ELN: variants seen among roughly 807,000 people sequenced by gnomAD.
ELN encodes the protein tropoelastin.
In ELN, 65 loss-of-function variants were observed where a neutral mutation model predicts 105.8. That is an observed-to-expected ratio of 0.61 (90% confidence interval 0.50 to 0.75). The LOEUF (loss-of-function observed/expected upper bound fraction) is 0.75. Among genes scored for constraint, ELN ranks in the 30% least tolerant of loss-of-function variants. The pLI, the probability that ELN is intolerant of heterozygous loss-of-function variation, is 0.00. For missense variants in ELN, 882 were observed against 969.4 expected, an observed-to-expected ratio of 0.91 and a Z score of 1.20; for synonymous variants, 368 against 389.2, an observed-to-expected ratio of 0.95 and a Z score of 0.64.
intron 9 of ELN, 151 bp from the exon 10 acceptor site, chr7:74,045,071 A>C (rs1436656829): frequency 1.3e-6 from 1 of 792,076 alleles, no homozygotes; most frequent in East Asian, 2.6e-5. Context: ...TCAGCACTAA[A>C]CAGGTCCTTT....
intron 1 of ELN, among the ~76,000 whole-genome samples, chr7:74,031,280 T>G (rs1195290047): frequency 6.6e-6 from 1 of 151,996 alleles, no homozygotes; most frequent in African/African-American, 2.4e-5. Flanking sequence ...CTGAAGTACC[T>G]CCTAGGGCCA....
chr7:74,036,645 T>G, intron 3 of ELN, 61 bp downstream of exon 3: 1 of 1,612,350 alleles, frequency 6.2e-7, no homozygotes, highest in Middle Eastern at 1.7e-4. Context: ...CCGAGCCACA[T>G]GCATCCTCAG....
At chr7:74,062,528 G>A (rs1300433378) in intron 26 of ELN, among the ~76,000 whole-genome samples, 1 of 152,114 alleles carries the variant, frequency 6.6e-6, no homozygotes, top group African/African-American at 2.4e-5. Context: ...AGTGCCTGCT[G>A]TAGATACTAT....
rs1798553819 is a variant in ELN, at chr7:74,068,860, CAA to C, written c.*161_*162del. 2.9e-5 allele frequency: 25 copies of C among 872,178 alleles called. No homozygotes were observed. Among genetic ancestry groups the C allele is most frequent in the Non-Finnish European group, 4.3e-5 (23 of 538,020 alleles). 54.0% of individuals were successfully genotyped at this position (872,178 alleles called of 1,614,324 possible). On this transcript the variant is annotated 3_prime_UTR_variant, in exon 33 of 33. Transcript: ENST00000252034. ...CTTGCAGATCCACAGGGCAAGGAAA[CAA>C]GAGGGGAGCGGCCAAGTGCCCCGAC...
Position 74,048,141 on chromosome 7 carries a change from G to C in ELN, c.686-1G>C. 4 of 1,614,072 alleles carry C rather than the reference G, an allele frequency of 2.5e-6. No individual in the cohort carries two copies. The highest frequency in any genetic ancestry group is 3.4e-6 in the Non-Finnish European group (4 of 1,179,968). ...GACCATCAAGCCTCTCTGTTTTGCA[G>C]GCTATGGGCCCGGAGGAGTGGCTGG... On this transcript the variant is annotated splice_acceptor_variant, in intron 13 of 32. Coordinates refer to ENST00000252034, the MANE Select transcript of ELN (RefSeq NM_000501.4). LOFTEE classifies it high-confidence loss of function.
Position 74,063,915 on chromosome 7 carries a change from T to C in ELN, c.1993+220T>C, listed in dbSNP as rs1181979407. Among the ~76,000 whole-genome samples, 3 of 150,772 alleles carry C rather than the reference T, an allele frequency of 2.0e-5. No individual in the cohort carries two copies. Among genetic ancestry groups the C allele is most frequent in the African/African-American group, 7.3e-5 (3 of 40,864 alleles). ...GTGAGGAGTTTGAGACCAGCCTGGG[T>C]GACATGGCGAAACCTCATCTCTACC... On this transcript the variant is annotated intron_variant, in intron 29 of 32. Coordinates refer to ENST00000252034, the MANE Select transcript of ELN (RefSeq NM_000501.4). The surrounding 1 kb of genome is among the most constrained non-coding windows in gnomAD (Gnocchi z 4.1).
intron 21 of ELN, 70 bp from the exon 22 acceptor site, chr7:74,057,570 G>C: frequency 6.2e-7 from 1 of 1,609,380 alleles, no homozygotes; most frequent in Non-Finnish European, 8.5e-7. Context: ...TGGGAAGACT[G>C]AGCCTAGAGA....
At chr7:74,034,300 G>A (rs967258326) in intron 1 of ELN, among the ~76,000 whole-genome samples, 18 of 151,694 alleles carry the variant, frequency 1.2e-4, no homozygotes, top group African/African-American at 4.1e-4. Flanking sequence ...GCCTCTACCC[G>A]GCAGCTCAGC....
At chr7:74,045,098 A>C in intron 9 of ELN, 124 bp from the exon 10 acceptor site, 1 of 1,048,534 alleles carries the variant, frequency 9.5e-7, no homozygotes, top group Non-Finnish European at 1.5e-6. Flanking sequence ...CCACCCCGTG[A>C]GCCGTGCCTG....
intron 21 of ELN, 54 bp downstream of exon 21, chr7:74,056,767 G>T: frequency 6.2e-7 from 1 of 1,611,738 alleles, no homozygotes; most frequent in Middle Eastern, 1.7e-4. Flanking sequence ...CGGGGCTCAG[G>T]GTCCAACCTC....
At chr7:74,043,601 G>A in intron 8 of ELN, 1 of 638,434 alleles carries the variant, frequency 1.6e-6, no homozygotes, top group South Asian at 1.8e-5. Flanking sequence ...ACGCAGCAGG[G>A]AGGGACATCT....
chr7:74,056,742 A>C (rs1158535722), intron 21 of ELN, 29 bp downstream of exon 21: 3 of 1,613,548 alleles, frequency 1.9e-6, no homozygotes, highest in Non-Finnish European at 1.7e-6. Flanking sequence ...CCTGTCCCCA[A>C]GTCCTGCTCT....
At chr7:74,054,880 C>T in intron 19 of ELN, 111 bp downstream of exon 19, 1 of 1,190,062 alleles carries the variant, frequency 8.4e-7, no homozygotes, top group Non-Finnish European at 1.2e-6. Context: ...CCCAAGGTCA[C>T]CGAGCAAGTC....
chr7:74,029,151 GGT>G (rs1788099324), intron 1 of ELN, among the ~76,000 whole-genome samples: 2 of 152,158 alleles, frequency 1.3e-5, no homozygotes, highest in Non-Finnish European at 2.9e-5. Context: ...CTGGCATCCA[GGT>G]GTGACACTGG....
chr7:74,057,703 C>A lies in ELN; in HGVS notation c.1414+7C>A, dbSNP rs782671526. ...GCCAAAGCCGCCCAGTTTGGTAAGT[C>A]CCCCTCACCCCCGCCACTGGCTCAC... is the stretch of plus-strand genomic sequence containing the variant. On this transcript the variant is annotated splice_region_variant and intron_variant, in intron 22 of 32. Coordinates refer to ENST00000252034, the MANE Select transcript of ELN (RefSeq NM_000501.4). 3.7e-6 allele frequency: 6 copies of A among 1,612,606 alleles called. No individual in the cohort carries two copies. Among genetic ancestry groups the A allele is most frequent in the Middle Eastern group, 1.9e-4 (1 of 5,296 alleles).
chr7:74,042,263 T>C (rs1442846411), intron 5 of ELN, among the ~76,000 whole-genome samples: 1 of 112,504 alleles, frequency 8.9e-6, no homozygotes, highest in East Asian at 2.5e-4. Flanking sequence ...CTACAAAAAA[T>C]ACAAAAAAAA....
chr7:74,053,831 G>A (rs1395773713), intron 18 of ELN, among the ~76,000 whole-genome samples: 1 of 151,724 alleles, frequency 6.6e-6, no homozygotes, highest in African/African-American at 2.4e-5. Context: ...TGGATGTGTG[G>A]GTGGATGGGT....
At chr7:74,068,147 G>A (rs575038154) in intron 32 of ELN, among the ~76,000 whole-genome samples, 1 of 152,086 alleles carries the variant, frequency 6.6e-6, no homozygotes, top group Admixed American at 6.6e-5. Flanking sequence ...TTCCCAGGAG[G>A]GGGTAGGAAT....
chr7:74,059,560 T>C (rs1207830295), intron 22 of ELN: 14 of 470,090 alleles, frequency 3.0e-5, no homozygotes, highest in Admixed American at 2.7e-4. Flanking sequence ...GGTGCGCACC[T>C]GTAGTCCCAG....
Sources: gnomAD v4.1 joint callset for allele counts (sites outside exome capture counted in the v4.1 genomes callset) on GRCh38, gnomAD v4.1.1 for gene constraint, Gnocchi (gnomAD v3.1) non-coding constraint, MANE v1.5 for transcripts, NCBI Gene and HGNC (gene_info 2026-07-23, HGNC 2026-07-21) for gene names.